The following AK5 variants were observed in gnomAD, a reference collection of about 807,000 sequenced individuals.
AK5 encodes the protein adenylate kinase isoenzyme 5.
In AK5, 27 loss-of-function variants were observed where a neutral mutation model predicts 69.5. The observed-to-expected ratio is 0.39, with a 90% CI of 0.29 to 0.54. The LOEUF (loss-of-function observed/expected upper bound fraction) is 0.54. Ranked by LOEUF, AK5 falls within the 20% of genes least tolerant of loss-of-function variation. AK5 has a pLI of 0.71. For synonymous variants in AK5, 260 were observed against 244.4 expected (o/e 1.06, Z -0.60); for missense variants, 531 against 700.4 (o/e 0.76, Z 2.73).
intron 5 of AK5, among the ~76,000 whole-genome samples, chr1:77,323,588 A>C (rs1379316513): frequency 6.6e-6 from 1 of 152,222 alleles, no homozygotes; most frequent in Non-Finnish European, 1.5e-5. Flanking sequence ...CGAGCAAATG[A>C]ATAATTAGAA....
chr1:77,416,088 G>T (rs1650407781), intron 7 of AK5, among the ~76,000 whole-genome samples: 1 of 151,542 alleles, frequency 6.6e-6, no homozygotes, highest in African/African-American at 2.4e-5. Flanking sequence ...CACAACATAA[G>T]TGCAAACTGA....
intron 8 of AK5, among the ~76,000 whole-genome samples, chr1:77,429,612 G>A (rs148361057): frequency 6.6e-6 from 1 of 152,298 alleles, no homozygotes; most frequent in African/African-American, 2.4e-5. Context: ...GTACTTGGGA[G>A]AATAAGTGCA....
chr1:77,412,936 C>G (rs185612000), intron 7 of AK5, among the ~76,000 whole-genome samples: 91 of 152,242 alleles, frequency 6.0e-4, no homozygotes, highest in Non-Finnish European at 9.7e-4. Flanking sequence ...CCACTGCAGT[C>G]ACCAAACGCT....
At chr1:77,520,429 C>A (rs186479065) in intron 11 of AK5, among the ~76,000 whole-genome samples, 183 of 152,326 alleles carry the variant, frequency 1.2e-3, no homozygotes, top group African/African-American at 4.3e-3. Context: ...AGAGTCCTTT[C>A]TGTAGCTCTG....
intron 10 of AK5, among the ~76,000 whole-genome samples, chr1:77,499,870 A>ATT (rs1178365313): frequency 3.4e-4 from 17 of 50,478 alleles, no homozygotes; most frequent in African/African-American, 1.6e-3. Flanking sequence ...CCCTTTTTCC[A>ATT]TTTTTTTTTT....
chr1:77,499,870 A>AT lies in AK5; in HGVS notation c.1147+13549dup, dbSNP rs1178365313. ...ATGACAGAGACCATGCCCTTTTTCC[A>AT]TTTTTTTTTTTTTTTTTTTTTTTTT... is the stretch of plus-strand genomic sequence containing the variant. On this transcript the variant is annotated intron_variant, in intron 10 of 13. Coordinates refer to ENST00000354567, the MANE Select transcript of AK5 (RefSeq NM_174858.3). Among the ~76,000 whole-genome samples, 141 of 50,464 alleles carry AT rather than the reference A, an allele frequency of 2.8e-3. 1 individual carries two copies. Among genetic ancestry groups the AT allele is most frequent in the African/African-American group, 0.015 (133 of 9,164 alleles). 33.1% of individuals were successfully genotyped at this position (50,464 alleles called of 152,430 possible).
intron 5 of AK5, among the ~76,000 whole-genome samples, chr1:77,315,687 T>C (rs1660208924): frequency 6.6e-6 from 1 of 152,186 alleles, no homozygotes; most frequent in African/African-American, 2.4e-5. Flanking sequence ...ATGTAGCTCC[T>C]ATGTAGGCGA....
intron 8 of AK5, among the ~76,000 whole-genome samples, chr1:77,435,871 A>G (rs569608071): frequency 5.0e-4 from 76 of 152,356 alleles, no homozygotes; most frequent in African/African-American, 1.7e-3. Context: ...AAAGATATAC[A>G]TAATTCCCTT....
chr1:77,325,164 T>TTG (rs201849659), intron 5 of AK5, among the ~76,000 whole-genome samples: 5 of 142,686 alleles, frequency 3.5e-5, no homozygotes, highest in Admixed American at 7.0e-5. Context: ...GTTTTTTGTT[T>TTG]TTTTTTTTTT....
At chr1:77,401,239 A>G (rs1328982738) in intron 6 of AK5, among the ~76,000 whole-genome samples, 1 of 152,212 alleles carries the variant, frequency 6.6e-6, no homozygotes, top group African/African-American at 2.4e-5. Context: ...TTTTAGTTGA[A>G]GAAAAACAAA....
chr1:77,484,820 C>T (rs886364752), intron 9 of AK5, among the ~76,000 whole-genome samples: 1 of 152,168 alleles, frequency 6.6e-6, no homozygotes, highest in East Asian at 1.9e-4. Flanking sequence ...ATATAAGTAT[C>T]TCCAAATGTT....
chr1:77,282,446 C>A, intron 1 of AK5, 73 bp downstream of exon 1: 1 of 1,493,832 alleles, frequency 6.7e-7, no homozygotes, highest in Non-Finnish European at 9.0e-7. Flanking sequence ...GAGGCAGCCG[C>A]GCCCCGTCCC....
intron 13 of AK5, among the ~76,000 whole-genome samples, chr1:77,553,314 AT>A (rs1183583962): frequency 6.6e-6 from 1 of 152,212 alleles, no homozygotes; most frequent in Non-Finnish European, 1.5e-5. Flanking sequence ...CAGATAAATA[AT>A]GAGGAAGATG....
At position 77,521,467 on chromosome 1, in the gene AK5, T is replaced by A. The variant is rs1160807680; in HGVS notation, c.1312-360T>A. On this transcript the variant is annotated intron_variant, in intron 11 of 13. Transcript: ENST00000354567. ...ACTTTTTATACCATGTTTTGTCTAG[T>A]TTTAAATTGCCATTATGCCTAATTC... Among the ~76,000 whole-genome samples, 4 of 152,150 alleles carry A rather than the reference T, an allele frequency of 2.6e-5. No individual in the cohort carries two copies. The East Asian group carries it at 5.8e-4, about 22-fold the overall frequency.
At chr1:77,402,550 G>A (rs1184422573) in intron 6 of AK5, among the ~76,000 whole-genome samples, 2 of 150,832 alleles carry the variant, frequency 1.3e-5, no homozygotes, top group Non-Finnish European at 2.9e-5. Context: ...GCGGTGTTTG[G>A]TTTTCTGTCC....
At chr1:77,427,852 C>A (rs1382615331) in intron 8 of AK5, among the ~76,000 whole-genome samples, 10 of 152,138 alleles carry the variant, frequency 6.6e-5, no homozygotes, top group Non-Finnish European at 1.5e-4. Context: ...TACATAGAAG[C>A]CCAAGCTAAT....
chr1:77,475,275 T>C (rs943923852), intron 8 of AK5, among the ~76,000 whole-genome samples: 5 of 142,608 alleles, frequency 3.5e-5, no homozygotes, highest in Admixed American at 7.4e-5. Flanking sequence ...GAGAGAAATA[T>C]ATATATTACT....
At chr1:77,375,809 A>G (rs920492164) in intron 6 of AK5, among the ~76,000 whole-genome samples, 2 of 152,284 alleles carry the variant, frequency 1.3e-5, no homozygotes, top group African/African-American at 2.4e-5. Flanking sequence ...GCAAAGGATC[A>G]TGGTTTGGAA....
chr1:77,523,275 C>T (rs980853979), intron 12 of AK5, among the ~76,000 whole-genome samples: 1 of 152,178 alleles, frequency 6.6e-6, no homozygotes, highest in Admixed American at 6.5e-5. Context: ...CCCATTCTGG[C>T]TGTCCCTCGA....
Sources: allele counts gnomAD v4.1 joint callset (sites outside exome capture counted in the v4.1 genomes callset), GRCh38; gene constraint gnomAD v4.1.1; transcripts MANE v1.5; gene names NCBI Gene and HGNC (gene_info 2026-07-23, HGNC 2026-07-21).